The following TRIM37 variants were observed in gnomAD, a reference collection of about 807,000 sequenced individuals.
TRIM37 encodes the protein E3 ubiquitin-protein ligase TRIM37.
TRIM37 carries 80 observed loss-of-function variants against 129.8 expected under a neutral mutation model. The ratio of observed to expected loss-of-function variants is 0.62; its 90% CI spans 0.51 to 0.74. The LOEUF is 0.74. TRIM37 is among the 30% of genes least tolerant of loss of function. TRIM37 has a pLI of 0.00. For synonymous variants in TRIM37, 389 were observed against 387.1 expected (o/e 1.00, Z -0.06); for missense variants, 1,054 against 1,176.5 (o/e 0.90, Z 1.52).
chr17:58,987,184 G>A (rs1171712099), intron 24 of TRIM37, among the ~76,000 whole-genome samples: 1 of 152,134 alleles, frequency 6.6e-6, no homozygotes, highest in Non-Finnish European at 1.5e-5. Flanking sequence ...ATACACATTT[G>A]GGGAAACCAT....
the TRIM37 span, among the ~76,000 whole-genome samples, chr17:58,973,850 G>A: frequency 4.0e-5 from 6 of 151,152 alleles, no homozygotes; most frequent in Non-Finnish European, 8.8e-5. Context: ...TACTTGGGAG[G>A]TTGAGGCAGG....
chr17:58,996,244 G>A (rs1225439624), downstream of TRIM37, among the ~76,000 whole-genome samples: 1 of 152,084 alleles, frequency 6.6e-6, no homozygotes, highest in South Asian at 2.1e-4. Context: ...GGCCGAGGCG[G>A]GTGGATCACT....
intron 1 of TRIM37, among the ~76,000 whole-genome samples, 155 bp downstream of exon 1, chr17:59,106,286 G>A (rs1043331369): frequency 6.6e-6 from 1 of 152,204 alleles, no homozygotes; most frequent in Admixed American, 6.5e-5. Context: ...TGCAGAATGG[G>A]CACGGCATCC....
chr17:59,046,140 C>T (rs1174956313), intron 16 of TRIM37, among the ~76,000 whole-genome samples: 2 of 152,020 alleles, frequency 1.3e-5, no homozygotes, highest in Non-Finnish European at 1.5e-5. Context: ...AGAAAAACAC[C>T]ACTTGGCAAT....
At position 58,986,909 on chromosome 17, in the gene TRIM37, C is replaced by T. The variant is rs546014365; in HGVS notation, c.2892-3988G>A. On this transcript the variant is annotated intron_variant, in intron 24 of 24. Transcript: ENST00000393066. ...CCTAGGAATAACCTTATGGAAGATCCCTTACTTACATTTAAAACAAGTCAC... is the reference window on the plus strand; with the variant it reads ...CCTAGGAATAACCTTATGGAAGATCTCTTACTTACATTTAAAACAAGTCAC... Among the ~76,000 whole-genome samples, 24 of 152,278 alleles carry T rather than the reference C, an allele frequency of 1.6e-4. No homozygotes were observed. In the South Asian group the frequency reaches 5.0e-3, roughly 32 times the overall value.
At chr17:59,005,177 C>T (rs1212223821) in intron 22 of TRIM37, among the ~76,000 whole-genome samples, 1 of 152,212 alleles carries the variant, frequency 6.6e-6, no homozygotes, top group African/African-American at 2.4e-5. Flanking sequence ...CAAATACCAA[C>T]CTTCAGGATT....
At chr17:59,053,778 G>A (rs564491099) in intron 13 of TRIM37, among the ~76,000 whole-genome samples, 47 of 152,072 alleles carry the variant, frequency 3.1e-4, no homozygotes, top group African/African-American at 1.0e-3. Flanking sequence ...AAAGCTATAC[G>A]AAGAAAACTA....
downstream of TRIM37, among the ~76,000 whole-genome samples, chr17:58,979,411 C>G (rs149792437): frequency 7.9e-5 from 12 of 152,292 alleles, no homozygotes; most frequent in Non-Finnish European, 1.5e-4. Context: ...GGGAGTTAGA[C>G]TTGATTTATA....
chr17:59,032,161 G>C (rs1383533905), intron 17 of TRIM37, 71 bp from the exon 18 acceptor site: 2 of 1,439,964 alleles, frequency 1.4e-6, no homozygotes, highest in African/African-American at 1.4e-5. Flanking sequence ...AAAATGAACT[G>C]GTTAACATTA....
intron 7 of TRIM37, among the ~76,000 whole-genome samples, chr17:59,077,788 CAACAG>C (rs2146966805): frequency 1.0e-5 from 1 of 96,622 alleles, no homozygotes; most frequent in Admixed American, 1.4e-4. Flanking sequence ...CCAGCCTGGG[CAACAG>C]AACGAGACTC....
chr17:59,067,821 C>A (rs926337882), intron 9 of TRIM37, among the ~76,000 whole-genome samples: 2 of 144,174 alleles, frequency 1.4e-5, no homozygotes, highest in Non-Finnish European at 3.2e-5. Flanking sequence ...CAGGCATGAG[C>A]CACCGCGCCC....
the TRIM37 span, chr17:58,969,655 T>C: frequency 1.2e-6 from 2 of 1,614,174 alleles, no homozygotes; most frequent in African/African-American, 2.7e-5. Flanking sequence ...TGTTCCCCCA[T>C]GATCCTGCTG....
At chr17:59,018,949 T>C (rs2036260639) in intron 19 of TRIM37, among the ~76,000 whole-genome samples, 1 of 152,162 alleles carries the variant, frequency 6.6e-6, no homozygotes, top group African/African-American at 2.4e-5. Flanking sequence ...CCACTGATTT[T>C]TGACAAGGAT....
chr17:58,993,688 A>G (rs1355830223), downstream of TRIM37, among the ~76,000 whole-genome samples: 2 of 152,174 alleles, frequency 1.3e-5, no homozygotes, highest in Non-Finnish European at 2.9e-5. Context: ...GGGTGACTGA[A>G]ATGTTCTGTA....
At position 59,084,095 on chromosome 17, in the gene TRIM37, C is replaced by G. The variant is rs751852215; in HGVS notation, c.282-6G>C. 6.2e-7 allele frequency: 1 copy of G among 1,603,820 alleles called. No individual in the cohort carries two copies. Among genetic ancestry groups the G allele is most frequent in the Non-Finnish European group, 8.5e-7 (1 of 1,171,642 alleles). On this transcript the variant is annotated splice_polypyrimidine_tract_variant and splice_region_variant and intron_variant, in intron 4 of 23. Transcript: ENST00000262294. Reference sequence around the variant, plus strand: ...TTTCATGGTGATTTTCACATCTATACATTATGAAAAGAAAATGAAGTTATA... The same window carrying G: ...TTTCATGGTGATTTTCACATCTATAGATTATGAAAAGAAAATGAAGTTATA...
chr17:59,042,445 AAAAAATATATATATATAT>A (rs1836300111), intron 16 of TRIM37, among the ~76,000 whole-genome samples: 2 of 40,258 alleles, frequency 5.0e-5, no homozygotes, highest in South Asian at 1.6e-3. Context: ...AAAAAAAAAA[AAAAAATATATATATATAT>A]ATATATATAT....
At chr17:59,083,268 T>G (rs1462062101) in intron 5 of TRIM37, among the ~76,000 whole-genome samples, 1 of 151,964 alleles carries the variant, frequency 6.6e-6, no homozygotes, top group African/African-American at 2.4e-5. Flanking sequence ...AAACCCCGTC[T>G]CTACTAAAAA....
At chr17:59,101,475 T>G (rs1362925476) in intron 2 of TRIM37, among the ~76,000 whole-genome samples, 1 of 151,530 alleles carries the variant, frequency 6.6e-6, no homozygotes, top group East Asian at 1.9e-4. Context: ...AACAGAAGGG[T>G]AAGACAAATA....
intron 22 of TRIM37, among the ~76,000 whole-genome samples, chr17:59,003,123 C>T (rs998906404): frequency 5.9e-5 from 9 of 152,216 alleles, no homozygotes; most frequent in South Asian, 4.1e-4. Context: ...GTGATTCACC[C>T]GCTTTGGCCT....
Sources: gnomAD v4.1 joint callset for allele counts (sites outside exome capture counted in the v4.1 genomes callset) on GRCh38, gnomAD v4.1.1 for gene constraint, MANE v1.5 for transcripts, NCBI Gene and HGNC (gene_info 2026-07-23, HGNC 2026-07-21) for gene names.